The following GADL1 variants were observed in gnomAD, a reference collection of about 807,000 sequenced individuals.
GADL1 encodes acidic amino acid decarboxylase GADL1.
Under a neutral mutation model 69.5 loss-of-function variants are expected in GADL1, and 71 were observed. The observed-to-expected ratio is 1.02, with a 90% confidence interval of 0.84 to 1.25. GADL1 has a LOEUF of 1.25. Among genes scored for constraint, GADL1 ranks in the 50% most tolerant of loss-of-function variants. GADL1 has a pLI of 0.00. For missense variants in GADL1, 737 were observed against 631.8 expected (o/e 1.17, Z -1.79); for synonymous variants, 254 against 214.4 (o/e 1.18, Z -1.62).
intron 1 of GADL1, among the ~76,000 whole-genome samples, chr3:30,883,833 T>G (rs570297837): frequency 3.9e-4 from 59 of 152,032 alleles, no homozygotes; most frequent in Non-Finnish European, 7.7e-4. Flanking sequence ...ATTTTGTAGT[T>G]TTTAGTGTAT....
intron 1 of GADL1, among the ~76,000 whole-genome samples, chr3:30,864,363 C>G (rs973364380): frequency 3.3e-5 from 5 of 151,500 alleles, no homozygotes; most frequent in African/African-American, 1.2e-4. Flanking sequence ...TCACCCCGTT[C>G]CGTGTGTGTG....
intron 13 of GADL1, among the ~76,000 whole-genome samples, chr3:30,783,306 C>T (rs1696709855): frequency 6.6e-6 from 1 of 152,114 alleles, no homozygotes; most frequent in Non-Finnish European, 1.5e-5. Context: ...TCTAGGAAAA[C>T]ATCTATTAGA....
At chr3:30,749,391 T>C (rs997317515) in intron 14 of GADL1, among the ~76,000 whole-genome samples, 1 of 152,234 alleles carries the variant, frequency 6.6e-6, no homozygotes, top group African/African-American at 2.4e-5. Context: ...CTGGCCAGAA[T>C]GCTGGAGTGT....
At chr3:30,891,591 G>T (rs185483209) in intron 1 of GADL1, among the ~76,000 whole-genome samples, 1 of 151,792 alleles carries the variant, frequency 6.6e-6, no homozygotes, top group Non-Finnish European at 1.5e-5. Context: ...TGGAGTGAGA[G>T]CCCTGGGTTT....
At position 30,793,358 on chromosome 3, in the gene GADL1, A is replaced by G. The variant is rs759980158; in HGVS notation, c.1251-6952T>C. The stretch of plus-strand genomic sequence containing the variant: ...CTCGTAACTTTTTTTTCAATATATG[A>G]AAACAGCCTAAAGACAAAATACATT... On this transcript the variant is annotated intron_variant, in intron 12 of 14. Coordinates refer to ENST00000282538, the MANE Select transcript of GADL1 (RefSeq NM_207359.3). Among the ~76,000 whole-genome samples, 82 of 149,358 alleles carry G rather than the reference A, an allele frequency of 5.5e-4. 1 individual carries two copies. The highest frequency in any genetic ancestry group is 1.3e-4 in the Non-Finnish European group (9 of 67,602).
intron 11 of GADL1, among the ~76,000 whole-genome samples, chr3:30,831,712 AATT>A (rs1251369663): frequency 6.6e-6 from 1 of 151,904 alleles, no homozygotes; most frequent in African/African-American, 2.4e-5. Context: ...TCTCGTATAA[AATT>A]ATTCTCAAGG....
At chr3:30,782,124 AGTCAT>A (rs1328400961) in intron 13 of GADL1, among the ~76,000 whole-genome samples, 1 of 152,158 alleles carries the variant, frequency 6.6e-6, no homozygotes, top group Non-Finnish European at 1.5e-5. Context: ...CGAAGATGGG[AGTCAT>A]GTCATGAAGG....
intron 1 of GADL1, among the ~76,000 whole-genome samples, chr3:30,892,787 C>A (rs1182312964): frequency 1.1e-4 from 17 of 152,182 alleles, no homozygotes. Flanking sequence ...ATAAAGAAGT[C>A]TCCTGTATTA....
At chr3:30,782,135 G>A (rs1696679556) in intron 13 of GADL1, among the ~76,000 whole-genome samples, 1 of 152,166 alleles carries the variant, frequency 6.6e-6, no homozygotes, top group Non-Finnish European at 1.5e-5. Flanking sequence ...GTCATGTCAT[G>A]AAGGACTTCT....
At chr3:30,830,229 A>G (rs945233320) in intron 11 of GADL1, among the ~76,000 whole-genome samples, 1 of 151,852 alleles carries the variant, frequency 6.6e-6, no homozygotes, top group Non-Finnish European at 1.5e-5. Flanking sequence ...AGTCGAGAAG[A>G]CTGGACAAAC....
At chr3:30,850,151 A>G (rs1430085390) in intron 5 of GADL1, 40 bp from the exon 6 acceptor site, 1 of 1,121,046 alleles carries the variant, frequency 8.9e-7, no homozygotes, top group Admixed American at 1.7e-5. Flanking sequence ...TATAGCATGA[A>G]GTTATAGCTC....
chr3:30,770,132 G>A (rs937151848), intron 14 of GADL1, among the ~76,000 whole-genome samples: 1 of 152,172 alleles, frequency 6.6e-6, no homozygotes, highest in Non-Finnish European at 1.5e-5. Flanking sequence ...ATATACTTCA[G>A]TGTATCACAG....
At chr3:30,826,802 C>T (rs916846363) in intron 11 of GADL1, among the ~76,000 whole-genome samples, 16 of 151,746 alleles carry the variant, frequency 1.1e-4, no homozygotes, top group Middle Eastern at 3.2e-3. Flanking sequence ...AAAATAACTT[C>T]CTAGGGGAAA....
intron 4 of GADL1, among the ~76,000 whole-genome samples, chr3:30,852,257 G>A (rs576099361): frequency 8.5e-5 from 13 of 152,260 alleles, no homozygotes; most frequent in African/African-American, 3.1e-4. Flanking sequence ...GCTCATGCCT[G>A]TAATCTCAGC....
At chr3:30,765,946 C>G (rs973539761) in intron 14 of GADL1, among the ~76,000 whole-genome samples, 12 of 151,824 alleles carry the variant, frequency 7.9e-5, no homozygotes, top group Middle Eastern at 3.4e-3. Context: ...ACTGGCAAGA[C>G]GGGAAGAAAA....
chr3:30,752,324 TC>T (rs1392418962), intron 14 of GADL1, among the ~76,000 whole-genome samples: 3 of 94,044 alleles, frequency 3.2e-5, no homozygotes, highest in Non-Finnish European at 8.7e-5. Context: ...GGGGCCTATC[TC>T]TCTTGCTGAC....
At chr3:30,767,770 C>CA (rs1177590276) in intron 14 of GADL1, among the ~76,000 whole-genome samples, 1 of 152,048 alleles carries the variant, frequency 6.6e-6, no homozygotes, top group African/African-American at 2.4e-5. Context: ...TTTCATCGTA[C>CA]AGAAGACTAA....
At chr3:30,829,273 T>C (rs1273556366) in intron 11 of GADL1, among the ~76,000 whole-genome samples, 1 of 151,862 alleles carries the variant, frequency 6.6e-6, no homozygotes, top group Non-Finnish European at 1.5e-5. Context: ...AGTACAACTT[T>C]GAGAGCATCA....
intron 11 of GADL1, among the ~76,000 whole-genome samples, chr3:30,813,436 C>T (rs1462301577): frequency 6.6e-6 from 1 of 152,178 alleles, no homozygotes; most frequent in East Asian, 1.9e-4. Flanking sequence ...AGTGAGTGTT[C>T]TGCTTTGGAA....
Sources: gnomAD v4.1 joint callset for allele counts (sites outside exome capture counted in the v4.1 genomes callset) on GRCh38, gnomAD v4.1.1 for gene constraint, MANE v1.5 for transcripts, NCBI Gene and HGNC (gene_info 2026-07-23, HGNC 2026-07-21) for gene names.